The following SHPRH variants were observed in gnomAD, a reference collection of about 807,000 sequenced individuals.
SHPRH encodes E3 ubiquitin-protein ligase SHPRH.
A neutral mutation model predicts 202.5 loss-of-function variants in SHPRH; 106 were observed. The ratio of observed to expected loss-of-function variants is 0.52; its 90% confidence interval spans 0.45 to 0.62. The LOEUF (loss-of-function observed/expected upper bound fraction) is 0.62. Ranked by LOEUF, SHPRH falls within the 20% of genes least tolerant of loss-of-function variation. SHPRH has a pLI of 0.00. For synonymous variants in SHPRH, 729 were observed against 686.0 expected (o/e 1.06, Z -0.98); for missense variants, 1,710 against 2,020.0 (o/e 0.85, Z 2.94).
Position 145,922,336 on chromosome 6 carries a change from A to T in SHPRH, c.3732T>A (p.Cys1244Ter), listed in dbSNP as rs1784496971. 1 of 1,561,980 alleles carries T rather than the reference A, an allele frequency of 6.4e-7. No homozygotes were observed. The highest frequency in any genetic ancestry group is 8.6e-7 in the Non-Finnish European group (1 of 1,164,130). Residue 1244 changes from cysteine (C) to a stop codon, truncating the protein, a stop_gained, in exon 20 of 30, where the codon TGT becomes TGA. Coordinates refer to ENST00000275233, the MANE Select transcript of SHPRH (RefSeq NM_001042683.3). LOFTEE classifies it high-confidence loss of function. ...ACTCTGTGAACAATTCATCAGCTTT[A>T]CAAAAGACACAGCTGAAAAAAAAGA... ...ARLPLNCCVF[C>*]KADELFTEYE...
intron 16 of SHPRH, among the ~76,000 whole-genome samples, 186 bp from the exon 17 acceptor site, chr6:145,925,032 A>C (rs1363070877): frequency 6.6e-6 from 1 of 151,924 alleles, no homozygotes; most frequent in Non-Finnish European, 1.5e-5. Flanking sequence ...GGAAGTTAAC[A>C]AAATTTACTT....
At chr6:145,949,957 T>G (rs764689034) in intron 4 of SHPRH, among the ~76,000 whole-genome samples, 1 of 152,116 alleles carries the variant, frequency 6.6e-6, no homozygotes, top group African/African-American at 2.4e-5. Flanking sequence ...GACCAGATTC[T>G]AAAGAGCAAT....
intron 2 of SHPRH, among the ~76,000 whole-genome samples, chr6:145,879,144 A>G (rs1163619651): frequency 6.6e-6 from 1 of 152,200 alleles, no homozygotes; most frequent in African/African-American, 2.4e-5. Flanking sequence ...TAGTAACTAC[A>G]TGACTCTGCT....
Position 145,913,585 on chromosome 6 carries a change from G to A in SHPRH, c.4255-36C>T, listed in dbSNP as rs147060787. The A allele has an allele frequency of 1.1e-4, 170 of 1,541,754 alleles. No individual in the cohort carries two copies. In the East Asian group the frequency reaches 3.4e-3, roughly 31 times the overall value. On this transcript the variant is annotated intron_variant, in intron 23 of 29. Coordinates refer to ENST00000275233, the MANE Select transcript of SHPRH (RefSeq NM_001042683.3). Reference sequence around the variant, plus strand: ...AAGAATTAAAAAATATATTAGTTACGTTTTTACATATAAAACCTGATATAT... The same window carrying A: ...AAGAATTAAAAAATATATTAGTTACATTTTTACATATAAAACCTGATATAT...
intron 22 of SHPRH, 53 bp downstream of exon 22, chr6:145,919,295 T>C (rs749331642): frequency 7.5e-6 from 12 of 1,607,036 alleles, no homozygotes; most frequent in South Asian, 2.2e-5. Flanking sequence ...GGGTCTTAGA[T>C]ATCTGTGACA....
chr6:145,916,382 C>T (rs1783955149), intron 23 of SHPRH, among the ~76,000 whole-genome samples: 1 of 152,078 alleles, frequency 6.6e-6, no homozygotes, highest in African/African-American at 2.4e-5. Context: ...GTTCAACCTA[C>T]ATAAAATTGT....
At position 145,964,113 on chromosome 6, in the gene SHPRH, C is replaced by G. The variant is rs1367875654; in HGVS notation, c.-415G>C. Reference sequence around the variant, plus strand: ...GGCCAAAGACCACCTCCCTCCCTCCCTCCCGACCTCTGACCCCTGACCTTC... The same window carrying G: ...GGCCAAAGACCACCTCCCTCCCTCCGTCCCGACCTCTGACCCCTGACCTTC... On this transcript the variant is annotated 5_prime_UTR_variant, in exon 1 of 30. Transcript: ENST00000275233. The G allele has an allele frequency of 6.6e-6, 1 of 152,448 alleles. No homozygotes were observed. The highest frequency in any genetic ancestry group is 6.5e-5 in the Admixed American group (1 of 15,290). The allele number at this position is 152,448 out of a possible 1,614,324, so 9.4% of individuals were successfully genotyped here. A position where few individuals can be genotyped will look rare whatever the true frequency, so the allele number is the denominator to read the frequency against.
At chr6:145,890,132 A>G (rs529367372) in intron 28 of SHPRH, among the ~76,000 whole-genome samples, 9 of 152,262 alleles carry the variant, frequency 5.9e-5, no homozygotes, top group African/African-American at 1.9e-4. Flanking sequence ...CTCTGCAGCA[A>G]AACTCCTCAA....
intron 14 of SHPRH, among the ~76,000 whole-genome samples, chr6:145,928,629 A>T (rs981960607): frequency 6.6e-6 from 1 of 152,014 alleles, no homozygotes; most frequent in Admixed American, 6.6e-5. Context: ...TTGGTAAAAT[A>T]TACATAAAAT....
Position 145,957,027 on chromosome 6 carries a change from G to T in SHPRH, c.-32-1673C>A, listed in dbSNP as rs373794390. On this transcript the variant is annotated intron_variant, in intron 1 of 29. Coordinates refer to ENST00000275233, the MANE Select transcript of SHPRH (RefSeq NM_001042683.3). Reference sequence around the variant, plus strand: ...CAAAAGAAATAAAAATGGTGCAGTAGTGGTGTAAAGACCAACATATAGATC... The same window carrying T: ...CAAAAGAAATAAAAATGGTGCAGTATTGGTGTAAAGACCAACATATAGATC... Among the ~76,000 whole-genome samples the T allele has an allele frequency of 1.5e-3, 227 of 152,228 alleles. 2 individuals are homozygous for T. Among genetic ancestry groups the T allele is most frequent in the South Asian group, 0.014 (70 of 4,830 alleles).
intron 2 of SHPRH, among the ~76,000 whole-genome samples, chr6:145,870,004 A>T (rs1779982957): frequency 6.6e-6 from 1 of 151,514 alleles, no homozygotes; most frequent in East Asian, 2.0e-4. Context: ...TTATTTAGTT[A>T]TTCTTTGATT....
At chr6:145,956,439 C>T (rs896112965) in intron 1 of SHPRH, among the ~76,000 whole-genome samples, 60 of 152,138 alleles carry the variant, frequency 3.9e-4, no homozygotes, top group Middle Eastern at 3.4e-3. Context: ...AGACACTGCT[C>T]CCACCCCACA....
At chr6:145,927,422 T>C (rs1003032783) in intron 14 of SHPRH, 145 bp from the exon 15 acceptor site, 6 of 662,994 alleles carry the variant, frequency 9.0e-6, no homozygotes, top group Non-Finnish European at 1.2e-5. Context: ...GACTTGGTAT[T>C]AATATGATTG....
At chr6:145,917,993 G>T in intron 23 of SHPRH, 138 bp downstream of exon 23, 1 of 513,794 alleles carries the variant, frequency 1.9e-6, no homozygotes, top group Non-Finnish European at 3.4e-6. Context: ...AGCTATTGTA[G>T]AGACATAGGT....
intron 25 of SHPRH, chr6:145,906,370 T>C (rs1404538611): frequency 6.6e-6 from 1 of 152,150 alleles, no homozygotes; most frequent in Non-Finnish European, 1.5e-5. Flanking sequence ...GTCACCTACT[T>C]CTACAGTCAC....
chr6:145,919,104 C>T lies in SHPRH; in HGVS notation c.4152+244G>A, dbSNP rs115626328. On this transcript the variant is annotated intron_variant, in intron 22 of 29. Transcript: ENST00000275233. ...TTTTAAACTCAAAAACAGATGAATGCGCAACCTGGAGAGAAACAAGATGCC... is the reference window on the plus strand; with the variant it reads ...TTTTAAACTCAAAAACAGATGAATGTGCAACCTGGAGAGAAACAAGATGCC... The T allele has an allele frequency of 3.0e-3, 1,165 of 393,796 alleles. 8 individuals are homozygous for T. The highest frequency in any genetic ancestry group is 0.02 in the African/African-American group (962 of 48,134). 24.4% of individuals were successfully genotyped at this position (393,796 alleles called of 1,614,324 possible).
At chr6:145,958,030 A>G (rs1788685116) in intron 1 of SHPRH, among the ~76,000 whole-genome samples, 1 of 152,224 alleles carries the variant, frequency 6.6e-6, no homozygotes, top group Non-Finnish European at 1.5e-5. Context: ...GAACTGTTAA[A>G]GCATTATGCT....
At chr6:145,910,182 A>G (rs1314544119) in intron 25 of SHPRH, 1 of 340,244 alleles carries the variant, frequency 2.9e-6, no homozygotes, top group Non-Finnish European at 5.4e-6. Flanking sequence ...TATAGAGGAT[A>G]GGAAACTGTA....
chr6:145,872,695 C>T (rs531059533), intron 2 of SHPRH, among the ~76,000 whole-genome samples: 4 of 152,282 alleles, frequency 2.6e-5, no homozygotes, highest in African/African-American at 7.2e-5. Flanking sequence ...TGGTTATATA[C>T]TCAAAGGAAT....
Sources: allele counts gnomAD v4.1 joint callset (sites outside exome capture counted in the v4.1 genomes callset), GRCh38; gene constraint gnomAD v4.1.1; transcripts MANE v1.5; gene names NCBI Gene and HGNC (gene_info 2026-07-23, HGNC 2026-07-21).